Variants in IGFALS observed in about 807,000 individuals in gnomAD.
IGFALS encodes the protein insulin-like growth factor-binding protein complex acid labile subunit.
Under a neutral mutation model 2.6 loss-of-function variants are expected in IGFALS, and 2 were observed. The ratio of observed to expected loss-of-function variants is 0.77; its 90% CI spans 0.32 to 2.44. The LOEUF is 2.44. IGFALS is among the 30% of genes most tolerant of loss of function. The probability of loss-of-function intolerance (pLI) is 0.11; values close to 1 mark genes in which losing one functional copy is unlikely to be tolerated. For missense variants in IGFALS, 996 were observed against 848.7 expected, an observed-to-expected ratio of 1.17 and a Z score of -2.16; for synonymous variants, 519 against 431.9, an observed-to-expected ratio of 1.20 and a Z score of -2.50.
chr16:1,791,037 C>G lies in IGFALS; in HGVS notation c.1381G>C (p.Glu461Gln), dbSNP rs1464859548. The G allele has an allele frequency of 6.3e-7, 1 of 1,598,332 alleles. No homozygotes were observed. The highest frequency in any genetic ancestry group is 8.5e-7 in the Non-Finnish European group (1 of 1,179,806). The change falls in exon 2 of 2, where the codon GAG (glutamate) becomes CAG (glutamine). Residue 461 changes from glutamate (E) to glutamine (Q), a missense_variant. Physicochemically the swap from Glu to Gln is conservative, Grantham distance 29. Coordinates refer to ENST00000215539, the MANE Select transcript of IGFALS (RefSeq NM_004970.3). ...CGGTTGCGGGAGAGCAGCAGGTACT[C>G]CAGCTTGCCCAGGCCCTGGAAGAGG... ...HRLFQGLGKL[E>Q]YLLLSRNRLA... is the part of the protein sequence containing the mutation.
chr16:1,791,495 C>T lies in IGFALS; in HGVS notation c.923G>A (p.Arg308His), dbSNP rs201622145. The change falls in exon 2 of 2, where the codon CGC becomes CAC. Residue 308 changes from arginine (R) to histidine (H), a missense_variant. Transcript: ENST00000215539. ...CAGGAAGTGCAGGTCCTTGAAGGTGCGGGGCCGCAGGCTGGCGATGGCGTT... is the reference window on the plus strand; with the variant it reads ...CAGGAAGTGCAGGTCCTTGAAGGTGTGGGGCCGCAGGCTGGCGATGGCGTT... ...SHNAIASLRP[R>H]TFKDLHFLEE... is the part of the protein sequence containing the mutation. The T allele has an allele frequency of 1.3e-4, 210 of 1,609,826 alleles. 1 individual carries two copies. Among genetic ancestry groups the T allele is most frequent in the East Asian group, 4.2e-4 (19 of 44,766 alleles).
rs111844234 is a variant in IGFALS, at chr16:1,792,687, G to A, written c.17-286C>T. On this transcript the variant is annotated intron_variant, in intron 1 of 1. Coordinates refer to ENST00000215539, the MANE Select transcript of IGFALS (RefSeq NM_004970.3). ...CGTGGGCTCGGCCAGGCTGGGTCTC[G>A]GGCTGTCTGGCCATGTGGCAGCCGC... Among the ~76,000 whole-genome samples the A allele has an allele frequency of 7.9e-3, 1,201 of 152,340 alleles. 21 individuals are homozygous for A. The highest frequency in any genetic ancestry group is 0.028 in the African/African-American group (1,155 of 41,580).
At position 1,791,460 on chromosome 16, in the gene IGFALS, G is replaced by C. The variant is rs768231769; in HGVS notation, c.958C>G (p.Gln320Glu). ...TGCCGGATGCGGTTGTGGCCCAGCT[G>C]CAGCTCCTCCAGGAAGTGCAGGTCC... is the stretch of plus-strand genomic sequence containing the variant. The part of the protein sequence containing the change: ...FKDLHFLEEL[Q>E]LGHNRIRQLA... Residue 320 changes from glutamine (Q) to glutamate (E), a missense_variant, in exon 2 of 2, where the codon CAG (glutamine) becomes GAG (glutamate). Transcript: ENST00000215539. 6.2e-7 allele frequency: 1 copy of C among 1,612,358 alleles called. No homozygotes were observed. Among genetic ancestry groups the C allele is most frequent in the East Asian group, 2.2e-5 (1 of 44,870 alleles).
upstream of IGFALS, chr16:1,793,741 G>C (rs528341785): frequency 7.3e-7 from 1 of 1,367,108 alleles, no homozygotes. Flanking sequence ...TCCCCACTGC[G>C]GGGCAGCCCG....
At chr16:1,793,868 C>G, upstream of IGFALS, 1 of 437,730 alleles carries the variant, frequency 2.3e-6, no homozygotes, top group East Asian at 3.4e-5. Context: ...GGTGAGGGAG[C>G]TTCAGTCGGG....
chr16:1,793,719 GCCCTCTGGATTTC>G, upstream of IGFALS: 1 of 1,496,956 alleles, frequency 6.7e-7, no homozygotes, highest in Non-Finnish European at 9.1e-7. Context: ...GGCCACCCCT[GCCCTCTGGATTTC>G]CCCACTGCGG....
rs768937819 is a variant in IGFALS at position 1,792,262 on chromosome 16, G to A, written c.156C>T (p.Asp52=). 5.6e-6 allele frequency: 9 copies of A among 1,601,368 alleles called. No homozygotes were observed. Among genetic ancestry groups the A allele is most frequent in the East Asian group, 2.2e-5 (1 of 44,868 alleles). Residue 52 remains aspartate (D), a synonymous_variant, in exon 2 of 2, where the codon GAC becomes GAT. Coordinates refer to ENST00000215539, the MANE Select transcript of IGFALS (RefSeq NM_004970.3). The part of the protein sequence containing the change: ...PAACVCSYDD[D]ADELSVFCSS... ...TGCAGAAGACGCTGAGCTCATCCGC[G>A]TCGTCATCGTAGCTGCAGACACAGG...
chr16:1,794,706 C>T, upstream of IGFALS: 1 of 619,316 alleles, frequency 1.6e-6, no homozygotes, highest in South Asian at 1.9e-5. Flanking sequence ...TCAGTGGGGC[C>T]TGCCCACCAG....
rs1897213739 is a variant in IGFALS at position 1,791,126 on chromosome 16, C to G, written c.1292G>C (p.Trp431Ser). 6.2e-7 allele frequency: 1 copy of G among 1,604,098 alleles called. No individual in the cohort carries two copies. Among genetic ancestry groups the G allele is most frequent in the East Asian group, 2.2e-5 (1 of 44,848 alleles). Residue 431 changes from tryptophan (W) to serine (S), a missense_variant, in exon 2 of 2, where the codon TGG (tryptophan) becomes TCG (serine). Transcript: ENST00000215539. ...GAGCTCCAGCAGCTCCGCCAGCCCCCACAGGCTCTGCTCCTCAATGCCCAC... is the reference window on the plus strand; with the variant it reads ...GAGCTCCAGCAGCTCCGCCAGCCCCGACAGGCTCTGCTCCTCAATGCCCAC... ...GLVGIEEQSL[W>S]GLAELLELDL...
Position 1,791,400 on chromosome 16 carries a change from G to T in IGFALS, c.1018C>A (p.Leu340Ile). Residue 340 changes from leucine (L) to isoleucine (I), a missense_variant, in exon 2 of 2, where the codon CTT (leucine) becomes ATT (isoleucine). Coordinates refer to ENST00000215539, the MANE Select transcript of IGFALS (RefSeq NM_004970.3). Reference protein sequence around the residue: ...AERSFEGLGQLEVLTLDHNQL... With the variant: ...AERSFEGLGQIEVLTLDHNQL... Reference sequence around the variant, plus strand: ...TTGTGGTCTAGCGTGAGCACCTCAAGCTGCCCCAGGCCCTCAAAGCTGCGC... The same window carrying T: ...TTGTGGTCTAGCGTGAGCACCTCAATCTGCCCCAGGCCCTCAAAGCTGCGC... The T allele has an allele frequency of 6.2e-7, 1 of 1,611,044 alleles. No homozygotes were observed.
upstream of IGFALS, among the ~76,000 whole-genome samples, chr16:1,794,305 C>T (rs1217529543): frequency 6.6e-6 from 1 of 152,194 alleles, no homozygotes; most frequent in Non-Finnish European, 1.5e-5. Flanking sequence ...GGCCACTGCC[C>T]CGCCCCCAGC....
At position 1,792,386 on chromosome 16, in the gene IGFALS, G is replaced by A. The variant is rs760104943; in HGVS notation, c.32C>T (p.Ala11Val). MALRKGGLAL[A>V]LLLLSWVALG... is the part of the protein sequence containing the mutation. ...TGCCACCCAGGACAGCAGCAGCAGC[G>A]CCAGGGCCAGGCCTCCTGCGGGGGG... Residue 11 changes from alanine to valine, a missense_variant, in exon 2 of 2, where the codon GCG becomes GTG. Coordinates refer to ENST00000215539, the MANE Select transcript of IGFALS (RefSeq NM_004970.3). 47 of 1,573,276 alleles carry A rather than the reference G, an allele frequency of 3.0e-5. No individual in the cohort carries two copies. Among genetic ancestry groups the A allele is most frequent in the Admixed American group, 6.9e-5 (4 of 58,156 alleles).
In IGFALS at chr16:1,793,604, T is replaced by C. The variant is rs1045543379; in HGVS notation, c.16+33A>G. ...CTCAGGGTCACAGACTGGCCACCCCTAGAGTGGGTGGCGGGGCACTCGGGG... is the reference window on the plus strand; with the variant it reads ...CTCAGGGTCACAGACTGGCCACCCCCAGAGTGGGTGGCGGGGCACTCGGGG... On this transcript the variant is annotated intron_variant, in intron 1 of 1. Coordinates refer to ENST00000215539, the MANE Select transcript of IGFALS (RefSeq NM_004970.3). The C allele has an allele frequency of 3.8e-6, 6 of 1,584,770 alleles. No homozygotes were observed. The African/African-American group carries it at 8.1e-5, about 21-fold the overall frequency.
At position 1,791,565 on chromosome 16, in the gene IGFALS, T is replaced by C. The variant is rs1359970649; in HGVS notation, c.853A>G (p.Thr285Ala). ...HNRVAGLLED[T>A]FPGLLGLRVL... ...CGCAGGCCCAGCAGACCGGGGAACGTGTCCTCCAGGAGGCCAGCCACGCGG... is the reference window on the plus strand; with the variant it reads ...CGCAGGCCCAGCAGACCGGGGAACGCGTCCTCCAGGAGGCCAGCCACGCGG... Residue 285 changes from threonine (T) to alanine (A), a missense_variant, in exon 2 of 2, where the codon ACG becomes GCG. Transcript: ENST00000215539. 6.4e-7 allele frequency: 1 copy of C among 1,567,420 alleles called. No homozygotes were observed. The highest frequency in any genetic ancestry group is 1.4e-5 in the African/African-American group (1 of 73,748).
Position 1,790,676 on chromosome 16 carries a change from A to T in IGFALS, c.1742T>A (p.Ile581Asn). The T allele has an allele frequency of 6.2e-7, 1 of 1,605,642 alleles. No individual in the cohort carries two copies. Among genetic ancestry groups the T allele is most frequent in the Non-Finnish European group, 8.5e-7 (1 of 1,176,974 alleles). Residue 581 changes from isoleucine (I) to asparagine (N), a missense_variant, in exon 2 of 2, where the codon ATC (isoleucine) becomes AAC (asparagine). Ile to Asn is a moderately radical substitution (Grantham distance 149). Transcript: ENST00000215539. ...GACCTCGGGCGGGCTGGCACAGGTG[A>T]TGTTGTTGTAGGTGTACGCGGGCGG... is the stretch of plus-strand genomic sequence containing the variant. ...CQPPAYTYNN[I>N]TCASPPEVVG...
In IGFALS at chr16:1,790,771, G is replaced by C; in HGVS notation, c.1647C>G (p.Asp549Glu). ...DCGCPLKALR[D>E]FALQNPSAVP... ...CAGCACTGGGGTTCTGCAGGGCGAA[G>C]TCCCGCAGCGCCTTGAGAGGGCAGC... Residue 549 changes from aspartate (D) to glutamate (E), a missense_variant, in exon 2 of 2, where the codon GAC (aspartate) becomes GAG (glutamate). Transcript: ENST00000215539. 6.3e-7 allele frequency: 1 copy of C among 1,587,774 alleles called. No individual in the cohort carries two copies. The highest frequency in any genetic ancestry group is 8.6e-7 in the Non-Finnish European group (1 of 1,168,632).
Position 1,792,027 on chromosome 16 carries a change from G to C in IGFALS, c.391C>G (p.Arg131Gly). The C allele has an allele frequency of 6.2e-7, 1 of 1,610,134 alleles. No homozygotes were observed. The highest frequency in any genetic ancestry group is 8.5e-7 in the Non-Finnish European group (1 of 1,179,432). ...LENLCHLHLE[R>G]NQLRSLALGT... ...AGTGCCAGGCTGCGCAGCTGGTTCCGCTCCAGGTGCAGGTGGCACAGGTTC... is the reference window on the plus strand; with the variant it reads ...AGTGCCAGGCTGCGCAGCTGGTTCCCCTCCAGGTGCAGGTGGCACAGGTTC... Residue 131 changes from arginine to glycine, a missense_variant, in exon 2 of 2, where the codon CGG becomes GGG. Arg to Gly is a moderately radical substitution (Grantham distance 125). Transcript: ENST00000215539.
In IGFALS at chr16:1,792,064, C is replaced by G. The variant is rs773617809; in HGVS notation, c.354G>C (p.Leu118=). ...GQLGSLEPQA[L]LGLENLCHLH... ...GGTGGCACAGGTTCTCTAGGCCCAG[C>G]AGCGCCTGTGGCTCCAGGCTGCCCA... Residue 118 remains leucine (L), a synonymous_variant, in exon 2 of 2, where the codon CTG becomes CTC. Coordinates refer to ENST00000215539, the MANE Select transcript of IGFALS (RefSeq NM_004970.3). The G allele has an allele frequency of 6.2e-7, 1 of 1,610,082 alleles. No individual in the cohort carries two copies. Among genetic ancestry groups the G allele is most frequent in the Non-Finnish European group, 8.5e-7 (1 of 1,179,202 alleles).
chr16:1,793,409 C>T (rs746218499), intron 1 of IGFALS, among the ~76,000 whole-genome samples: 4 of 152,118 alleles, frequency 2.6e-5, no homozygotes, highest in African/African-American at 9.7e-5. Context: ...CGCCAGCGCC[C>T]TTAGGGTGGA....
Sources: gnomAD v4.1 joint callset for allele counts (sites outside exome capture counted in the v4.1 genomes callset) on GRCh38, gnomAD v4.1.1 for gene constraint, MANE v1.5 for transcripts, NCBI Gene and HGNC (gene_info 2026-07-23, HGNC 2026-07-21) for gene names.